The following CDHR3 variants were observed in gnomAD, a reference collection of about 807,000 sequenced individuals.
CDHR3 encodes cadherin related family member 3, also known as cadherin-related family member 3.
In CDHR3, 79 loss-of-function variants were observed where a neutral mutation model predicts 86.6. That is an observed-to-expected ratio of 0.91 (90% CI 0.76 to 1.10). CDHR3 has a LOEUF of 1.10. Among genes scored for constraint, CDHR3 ranks in the 50% least tolerant of loss-of-function variants. CDHR3 has a pLI of 0.00. For missense variants in CDHR3, 1,081 were observed against 1,077.6 expected (o/e 1.00, Z -0.04); for synonymous variants, 421 against 402.4 (o/e 1.05, Z -0.55).
intron 4 of CDHR3, among the ~76,000 whole-genome samples, chr7:105,992,962 T>C (rs879822069): frequency 6.6e-6 from 1 of 152,258 alleles, no homozygotes; most frequent in Non-Finnish European, 1.5e-5. Flanking sequence ...TATATTGGCC[T>C]CAAAGGAGAC....
intron 6 of CDHR3, among the ~76,000 whole-genome samples, chr7:106,000,938 G>A (rs1265356680): frequency 2.0e-5 from 3 of 149,064 alleles, no homozygotes; most frequent in African/African-American, 4.9e-5. Context: ...AAAAAAAAGT[G>A]AGCAAACACA....
intron 2 of CDHR3, among the ~76,000 whole-genome samples, chr7:105,976,147 A>G (rs1460531902): frequency 6.6e-6 from 1 of 152,110 alleles, no homozygotes; most frequent in East Asian, 1.9e-4. Flanking sequence ...GACTCCCTAG[A>G]CATTCAGCTT....
At chr7:106,028,656 C>A in intron 17 of CDHR3, 74 bp downstream of exon 17, 1 of 1,506,580 alleles carries the variant, frequency 6.6e-7, no homozygotes, top group Middle Eastern at 2.1e-4. Flanking sequence ...CGAAGGCAGG[C>A]CTGCCACAGC....
chr7:106,030,909 T>A lies in CDHR3; in HGVS notation c.2353+69T>A. On this transcript the variant is annotated intron_variant, in intron 18 of 18. Transcript: ENST00000317716. This position sits in a 1 kb window ranked among gnomAD's most constrained non-coding sequence, Gnocchi z 4.8. ...CAGACTGGTAGAAGCATGGAGGATC[T>A]TATCCAATTTCCTGCTTTTAGCTCA... 7.0e-7 allele frequency: 1 copy of A among 1,433,164 alleles called. No homozygotes were observed. Among genetic ancestry groups the A allele is most frequent in the South Asian group, 1.2e-5 (1 of 82,438 alleles). The allele number at this position is 1,433,164 out of a possible 1,614,324, so 88.8% of individuals were successfully genotyped here. A position where few individuals can be genotyped will look rare whatever the true frequency, so the allele number is the denominator to read the frequency against.
chr7:106,017,671 C>A (rs979481726), intron 11 of CDHR3, among the ~76,000 whole-genome samples, 175 bp from the exon 12 acceptor site: 2 of 151,696 alleles, frequency 1.3e-5, no homozygotes, highest in South Asian at 2.1e-4. Context: ...AGTTACCTAG[C>A]GGGTGTTGGT....
chr7:106,028,777 G>A (rs954273502), intron 17 of CDHR3, among the ~76,000 whole-genome samples, 195 bp downstream of exon 17: 3 of 152,186 alleles, frequency 2.0e-5, no homozygotes, highest in Admixed American at 6.5e-5. Context: ...CATGCCTGCT[G>A]ATATATTTGC....
chr7:105,963,297 C>T lies in CDHR3; in HGVS notation c.-22C>T, dbSNP rs376674027. The stretch of plus-strand genomic sequence containing the variant: ...GGCTGTGGCTAATGTGCTGGAAGCA[C>T]GCACAGTTGTGACCATCAAGTATGC... On this transcript the variant is annotated 5_prime_UTR_variant, in exon 1 of 19. The change creates a new upstream start codon in the 5' untranslated region. Transcript: ENST00000317716. 17 of 1,612,936 alleles carry T rather than the reference C, an allele frequency of 1.1e-5. No homozygotes were observed. Among genetic ancestry groups the T allele is most frequent in the South Asian group, 5.5e-5 (5 of 91,036 alleles).
intron 15 of CDHR3, among the ~76,000 whole-genome samples, chr7:106,026,140 C>T (rs1837312357): frequency 6.6e-6 from 1 of 152,154 alleles, no homozygotes; most frequent in African/African-American, 2.4e-5. Context: ...ATTAGTTATA[C>T]CATATGACAG....
chr7:106,013,510 G>C (rs541807047), intron 9 of CDHR3, among the ~76,000 whole-genome samples: 85 of 152,314 alleles, frequency 5.6e-4, no homozygotes, highest in African/African-American at 2.0e-3. Context: ...AACTTCAAGG[G>C]ACAAAAGCTG....
At chr7:105,989,283 C>T (rs1376418541) in intron 4 of CDHR3, among the ~76,000 whole-genome samples, 2 of 150,070 alleles carry the variant, frequency 1.3e-5, no homozygotes, top group Non-Finnish European at 3.0e-5. Flanking sequence ...ATTCAACTCC[C>T]ACACTCTCTG....
At chr7:105,987,243 G>A (rs1830654797) in intron 4 of CDHR3, among the ~76,000 whole-genome samples, 1 of 152,154 alleles carries the variant, frequency 6.6e-6, no homozygotes, top group Non-Finnish European at 1.5e-5. Context: ...GCAGCTGCGG[G>A]GGCTTGTGGC....
In CDHR3 at chr7:106,033,422, A is replaced by AT. The variant is rs1838651359; in HGVS notation, c.*731dup. The stretch of plus-strand genomic sequence containing the variant: ...TACACTTGGGTGGCAGCTGCTTCAG[A>AT]TTTTTTACTTTTAAAAAATATACTT... On this transcript the variant is annotated 3_prime_UTR_variant, in exon 19 of 19. Transcript: ENST00000317716. The AT allele has an allele frequency of 6.6e-6, 1 of 152,174 alleles. No homozygotes were observed. The highest frequency in any genetic ancestry group is 2.1e-4 in the South Asian group (1 of 4,834). The allele number at this position is 152,174 out of a possible 1,614,324, so 9.4% of individuals were successfully genotyped here.
At chr7:106,024,588 C>T in intron 15 of CDHR3, 26 bp downstream of exon 15, 1 of 1,606,634 alleles carries the variant, frequency 6.2e-7, no homozygotes, top group South Asian at 1.1e-5. Context: ...GCTGGGCCCT[C>T]TTCCCCACCT....
intron 8 of CDHR3, among the ~76,000 whole-genome samples, chr7:106,009,623 C>T (rs1352531481): frequency 6.6e-6 from 1 of 152,170 alleles, no homozygotes; most frequent in Admixed American, 6.5e-5. Flanking sequence ...GTGCTGTGCT[C>T]CCGCAGGGAG....
At chr7:106,010,399 A>G (rs906807049) in intron 8 of CDHR3, among the ~76,000 whole-genome samples, 9 of 152,226 alleles carry the variant, frequency 5.9e-5, no homozygotes, top group African/African-American at 1.9e-4. Context: ...TACAGCATGC[A>G]GTTGGTGTTT....
chr7:106,027,961 G>GA (rs1391766548), intron 16 of CDHR3, among the ~76,000 whole-genome samples: 1 of 151,576 alleles, frequency 6.6e-6, no homozygotes, highest in Non-Finnish European at 1.5e-5. Context: ...CCTGTCTGTA[G>GA]AAAAAAAATT....
intron 8 of CDHR3, among the ~76,000 whole-genome samples, chr7:106,007,839 T>C (rs1324253632): frequency 6.6e-6 from 1 of 152,158 alleles, no homozygotes; most frequent in Non-Finnish European, 1.5e-5. Flanking sequence ...AGAGCCCCAC[T>C]CTATTGGTAC....
At chr7:105,986,520 T>A (rs1830552498) in intron 4 of CDHR3, among the ~76,000 whole-genome samples, 1 of 152,152 alleles carries the variant, frequency 6.6e-6, no homozygotes, top group Non-Finnish European at 1.5e-5. Flanking sequence ...GAAGAGTAAA[T>A]TAACAAATTT....
In CDHR3 at chr7:106,022,511, C is replaced by A. The variant is rs181272045; in HGVS notation, c.2076+63C>A. The A allele has an allele frequency of 1.2e-4, 185 of 1,572,950 alleles. 1 individual carries two copies. In the East Asian group the frequency reaches 3.7e-3, roughly 32 times the overall value. ...CCTTGTGAGTTATGTTGATGGACTT[C>A]TTTCCCCGGCCTGGAGGTATGTGGG... On this transcript the variant is annotated intron_variant, in intron 14 of 18. Coordinates refer to ENST00000317716, the MANE Select transcript of CDHR3 (RefSeq NM_152750.5).
Sources: gnomAD v4.1 joint callset for allele counts (sites outside exome capture counted in the v4.1 genomes callset) on GRCh38, gnomAD v4.1.1 for gene constraint, Gnocchi (gnomAD v3.1) non-coding constraint, MANE v1.5 for transcripts, NCBI Gene and HGNC (gene_info 2026-07-23, HGNC 2026-07-21) for gene names.